Variants in RARB observed in about 807,000 individuals in gnomAD.
The protein encoded by RARB is retinoic acid receptor beta.
A neutral mutation model predicts 51.9 loss-of-function variants in RARB; 17 were observed. That is an observed-to-expected ratio of 0.33 (90% CI 0.22 to 0.49). The LOEUF is 0.49. Ranked by LOEUF, RARB falls within the 20% of genes least tolerant of loss-of-function variation. The pLI is 0.99. For missense variants in RARB, 369 were observed against 550.8 expected (o/e 0.67, Z 3.30); for synonymous variants, 215 against 195.4 (o/e 1.10, Z -0.84).
In RARB at chr3:25,440,002, G is replaced by A. The variant is rs562206860; in HGVS notation, c.157+11114G>A. Reference sequence around the variant, plus strand: ...CCTGCTGTGGAAGCTTGAGCTCCAGGTTTTGTTTTGGTTTTTTTCTAATCT... The same window carrying A: ...CCTGCTGTGGAAGCTTGAGCTCCAGATTTTGTTTTGGTTTTTTTCTAATCT... On this transcript the variant is annotated intron_variant, in intron 1 of 7. Coordinates refer to ENST00000330688, the MANE Select transcript of RARB (RefSeq NM_000965.5). Among the ~76,000 whole-genome samples the A allele has an allele frequency of 2.0e-5, 3 of 152,216 alleles. No individual in the cohort carries two copies. In the East Asian group the frequency reaches 5.8e-4, roughly 29 times the overall value.
At chr3:25,440,270 G>A (rs1291985174) in intron 1 of RARB, among the ~76,000 whole-genome samples, 3 of 151,642 alleles carry the variant, frequency 2.0e-5, no homozygotes, top group African/African-American at 4.8e-5. Context: ...TAGGCAACAC[G>A]GCAGAACCCT....
intron 2 of RARB, among the ~76,000 whole-genome samples, chr3:24,903,528 T>A (rs1235831699): frequency 1.3e-5 from 2 of 152,176 alleles, no homozygotes; most frequent in Admixed American, 1.3e-4. Flanking sequence ...CATTTCAATG[T>A]ATGATTAAAA....
At chr3:25,385,863 A>C (rs749621758) in intron 5 of RARB, among the ~76,000 whole-genome samples, 1 of 152,138 alleles carries the variant, frequency 6.6e-6, no homozygotes, top group Non-Finnish European at 1.5e-5. Context: ...CACGTGACCT[A>C]AGAAGGAGCA....
chr3:25,407,746 T>C (rs1707450216), intron 5 of RARB, among the ~76,000 whole-genome samples: 1 of 129,100 alleles, frequency 7.7e-6, no homozygotes, highest in Admixed American at 8.9e-5. Context: ...CTTTCAGTTC[T>C]CTGCATGAAG....
intron 3 of RARB, among the ~76,000 whole-genome samples, chr3:25,521,034 T>C (rs1249322459): frequency 6.6e-6 from 1 of 152,150 alleles, no homozygotes; most frequent in Non-Finnish European, 1.5e-5. Flanking sequence ...TCAAAGTGCT[T>C]TGAGAAATCA....
At chr3:25,433,524 A>C (rs1413991259) in intron 1 of RARB, among the ~76,000 whole-genome samples, 3 of 152,122 alleles carry the variant, frequency 2.0e-5, no homozygotes, top group Non-Finnish European at 4.4e-5. Context: ...CAGGGTGGGG[A>C]GGAGGGAGTA....
chr3:25,419,389 C>G (rs1465002245), intron 5 of RARB, among the ~76,000 whole-genome samples: 1 of 152,154 alleles, frequency 6.6e-6, no homozygotes, highest in Non-Finnish European at 1.5e-5. Context: ...TTTCCCTAAG[C>G]TGCCTTAGCA....
chr3:25,405,122 A>ACCGTC (rs1422479902), intron 5 of RARB, among the ~76,000 whole-genome samples: 5 of 152,306 alleles, frequency 3.3e-5, no homozygotes, highest in African/African-American at 1.2e-4. Context: ...CTATTTTTTA[A>ACCGTC]CCGTCTCTTA....
intron 5 of RARB, among the ~76,000 whole-genome samples, chr3:25,233,827 T>C (rs1010472105): frequency 1.1e-4 from 17 of 151,798 alleles, no homozygotes; most frequent in African/African-American, 3.4e-4. Flanking sequence ...TCTATATCTA[T>C]TGAGAAGATC....
intron 5 of RARB, among the ~76,000 whole-genome samples, chr3:25,397,369 G>A (rs1236992392): frequency 1.3e-5 from 2 of 152,188 alleles, no homozygotes; most frequent in African/African-American, 4.8e-5. Context: ...CACACTTTGG[G>A]CACTCAGAGT....
chr3:25,377,999 A>C (rs886755508), intron 5 of RARB, among the ~76,000 whole-genome samples: 1 of 152,234 alleles, frequency 6.6e-6, no homozygotes, highest in African/African-American at 2.4e-5. Context: ...CTTAGTAGAC[A>C]CAGGCACTGA....
intron 5 of RARB, among the ~76,000 whole-genome samples, chr3:25,257,363 A>AC (rs763536261): frequency 6.6e-5 from 10 of 152,030 alleles, no homozygotes; most frequent in Admixed American, 2.6e-4. Context: ...TTGCAGAAAA[A>AC]CACGTATGAA....
chr3:25,594,435 CAT>C, intron 6 of RARB, 83 bp from the exon 7 acceptor site: 1 of 1,353,680 alleles, frequency 7.4e-7, no homozygotes, highest in Non-Finnish European at 9.9e-7. Context: ...TTAATGAACT[CAT>C]AACAGTAGGA....
chr3:24,939,307 C>G (rs567312005), intron 2 of RARB, among the ~76,000 whole-genome samples: 2 of 152,176 alleles, frequency 1.3e-5, no homozygotes, highest in African/African-American at 4.8e-5. Flanking sequence ...TTGAGTCCCT[C>G]CTTTCAATTC....
chr3:25,097,576 G>C (rs1032815438), intron 3 of RARB, among the ~76,000 whole-genome samples: 1 of 152,062 alleles, frequency 6.6e-6, no homozygotes, highest in African/African-American at 2.4e-5. Context: ...CAGGAGTTCT[G>C]GACTGTGCCT....
intron 4 of RARB, among the ~76,000 whole-genome samples, chr3:25,577,087 T>C (rs1700966487): frequency 6.6e-6 from 1 of 152,048 alleles, no homozygotes; most frequent in South Asian, 2.1e-4. Context: ...AGTCAGGAAG[T>C]TCTAACCAGA....
chr3:24,927,646 C>A (rs1163141240), intron 2 of RARB, among the ~76,000 whole-genome samples: 1 of 152,170 alleles, frequency 6.6e-6, no homozygotes, highest in East Asian at 1.9e-4. Context: ...AATATTCATA[C>A]CCTCAACACA....
intron 2 of RARB, among the ~76,000 whole-genome samples, chr3:24,869,756 G>T (rs1477515032): frequency 6.6e-6 from 1 of 151,888 alleles, no homozygotes; most frequent in Non-Finnish European, 1.5e-5. Context: ...AAACATAATT[G>T]TATTTCTGTT....
At chr3:25,167,584 T>G (rs1391974142) in intron 4 of RARB, among the ~76,000 whole-genome samples, 1 of 152,068 alleles carries the variant, frequency 6.6e-6, no homozygotes, top group Non-Finnish European at 1.5e-5. Flanking sequence ...AAAGGAAAAT[T>G]GGTTGTTGTT....
Sources: allele counts gnomAD v4.1 joint callset (sites outside exome capture counted in the v4.1 genomes callset), GRCh38; gene constraint gnomAD v4.1.1; transcripts MANE v1.5; gene names NCBI Gene and HGNC (gene_info 2026-07-23, HGNC 2026-07-21).